The following CSMD1 variants were observed in gnomAD, a reference collection of about 807,000 sequenced individuals.
CSMD1 encodes the protein CUB and Sushi multiple domains 1.
In CSMD1, 213 loss-of-function variants were observed where a neutral mutation model predicts 417.5. The ratio of observed to expected loss-of-function variants is 0.51; its 90% CI spans 0.46 to 0.57. CSMD1 has a LOEUF of 0.57. Ranked by LOEUF, CSMD1 falls within the 20% of genes least tolerant of loss-of-function variation. The pLI is 0.00. For synonymous variants in CSMD1, 2,862 were observed against 1,736.8 expected (o/e 1.65, Z -16.11); for missense variants, 6,923 against 4,529.7 (o/e 1.53, Z -15.17).
intron 6 of CSMD1, among the ~76,000 whole-genome samples, chr8:3,736,352 C>T (rs972052160): frequency 1.3e-5 from 2 of 152,026 alleles, no homozygotes; most frequent in African/African-American, 4.8e-5. Context: ...GGTGATTCTC[C>T]TACCTCAGCC....
At chr8:3,048,081 G>C (rs189923841) in intron 50 of CSMD1, among the ~76,000 whole-genome samples, 1 of 152,120 alleles carries the variant, frequency 6.6e-6, no homozygotes, top group Non-Finnish European at 1.5e-5. Context: ...TCACTGAGAT[G>C]ATGTATCTGT....
chr8:3,226,544 T>G (rs1424137275), intron 27 of CSMD1, among the ~76,000 whole-genome samples: 3 of 142,176 alleles, frequency 2.1e-5, no homozygotes, highest in Non-Finnish European at 4.5e-5. Flanking sequence ...ATCACACCAC[T>G]GCACTCCAGC....
At chr8:4,123,093 G>C (rs1230992918) in intron 3 of CSMD1, among the ~76,000 whole-genome samples, 1 of 152,146 alleles carries the variant, frequency 6.6e-6, no homozygotes, top group East Asian at 1.9e-4. Flanking sequence ...CAGTGAGATT[G>C]GAAAACAGAA....
At chr8:4,226,755 C>A (rs1446264296) in intron 3 of CSMD1, among the ~76,000 whole-genome samples, 1 of 152,062 alleles carries the variant, frequency 6.6e-6, no homozygotes, top group South Asian at 2.1e-4. Flanking sequence ...TGGCACTGAG[C>A]TTTAAATTGA....
At chr8:3,892,253 G>T (rs748357039) in intron 5 of CSMD1, among the ~76,000 whole-genome samples, 1 of 152,126 alleles carries the variant, frequency 6.6e-6, no homozygotes, top group South Asian at 2.1e-4. Flanking sequence ...TCAGATACCT[G>T]AACATTCAAT....
At chr8:4,369,194 T>G (rs1802262050) in intron 3 of CSMD1, among the ~76,000 whole-genome samples, 1 of 152,202 alleles carries the variant, frequency 6.6e-6, no homozygotes, top group East Asian at 1.9e-4. Flanking sequence ...CTGACTTAAT[T>G]TCATTCTTTA....
At chr8:3,071,741 C>T (rs1044245032) in intron 49 of CSMD1, among the ~76,000 whole-genome samples, 6 of 152,192 alleles carry the variant, frequency 3.9e-5, no homozygotes, top group African/African-American at 1.4e-4. Flanking sequence ...ATTCACCTGA[C>T]ATCAAAACAG....
intron 10 of CSMD1, among the ~76,000 whole-genome samples, chr8:3,512,227 G>A (rs1797104305): frequency 1.3e-5 from 2 of 152,208 alleles, no homozygotes; most frequent in South Asian, 4.1e-4. Flanking sequence ...CTCCTCGCGG[G>A]TCCACGTGCA....
At chr8:4,190,083 C>A (rs557194689) in intron 3 of CSMD1, among the ~76,000 whole-genome samples, 1 of 151,500 alleles carries the variant, frequency 6.6e-6, no homozygotes, top group African/African-American at 2.4e-5. Context: ...ATGGTGAAAC[C>A]CCATCTCTAC....
At chr8:3,214,037 G>A (rs1316474133) in intron 30 of CSMD1, among the ~76,000 whole-genome samples, 1 of 151,898 alleles carries the variant, frequency 6.6e-6, no homozygotes, top group Non-Finnish European at 1.5e-5. Flanking sequence ...GCGGAGACAG[G>A]GTTTCACCAT....
chr8:3,106,002 T>A (rs539666378), intron 46 of CSMD1, among the ~76,000 whole-genome samples: 2 of 152,328 alleles, frequency 1.3e-5, no homozygotes, highest in South Asian at 4.1e-4. Flanking sequence ...TGATATGGCC[T>A]TGGTTTATTT....
At chr8:3,011,224 C>T (rs11786445) in intron 52 of CSMD1, among the ~76,000 whole-genome samples, 13,089 of 152,132 alleles carry the variant, frequency 0.086, 624 homozygotes, top group African/African-American at 0.13. Context: ...AGTTATTCCC[C>T]AGCCACTGAC....
At chr8:4,668,699 G>A (rs1209217366) in intron 1 of CSMD1, among the ~76,000 whole-genome samples, 5 of 151,756 alleles carry the variant, frequency 3.3e-5, no homozygotes, top group Admixed American at 6.6e-5. Context: ...ATCTCCCCGC[G>A]TCAGCCTCCC....
intron 26 of CSMD1, among the ~76,000 whole-genome samples, chr8:3,248,163 T>G (rs1332645963): frequency 6.6e-6 from 1 of 152,026 alleles, no homozygotes; most frequent in Non-Finnish European, 1.5e-5. Context: ...TGTAGCGGTG[T>G]GACAAACAGA....
intron 3 of CSMD1, among the ~76,000 whole-genome samples, chr8:4,357,848 C>A (rs6987250): frequency 0.42 from 63,370 of 151,906 alleles, 15,619 homozygotes; most frequent in African/African-American, 0.7. Context: ...TGAGTAATAT[C>A]ACTTAAAATT....
intron 5 of CSMD1, among the ~76,000 whole-genome samples, chr8:3,880,207 T>C (rs546449904): frequency 2.4e-4 from 36 of 152,256 alleles, no homozygotes; most frequent in African/African-American, 8.4e-4. Flanking sequence ...TTAGGGAAAA[T>C]AATGCAATTT....
At chr8:3,046,146 C>T (rs1162365121) in intron 50 of CSMD1, among the ~76,000 whole-genome samples, 1 of 152,162 alleles carries the variant, frequency 6.6e-6, no homozygotes, top group African/African-American at 2.4e-5. Flanking sequence ...GGAGTGTCCT[C>T]TTTTGATTGC....
chr8:3,454,385 T>G (rs113161014), intron 12 of CSMD1, among the ~76,000 whole-genome samples: 5 of 152,222 alleles, frequency 3.3e-5, no homozygotes, highest in African/African-American at 1.2e-4. Context: ...TGCTTGTTAG[T>G]TGAGGCAGTT....
intron 1 of CSMD1, among the ~76,000 whole-genome samples, chr8:4,905,989 C>A (rs1365846104): frequency 6.6e-6 from 1 of 152,126 alleles, no homozygotes; most frequent in African/African-American, 2.4e-5. Context: ...TCGGCAACAC[C>A]ACTTTTGGCA....
Sources: gnomAD v4.1 joint callset for allele counts (sites outside exome capture counted in the v4.1 genomes callset) on GRCh38, gnomAD v4.1.1 for gene constraint, MANE v1.5 for transcripts, NCBI Gene and HGNC (gene_info 2026-07-23, HGNC 2026-07-21) for gene names.